The following SORCS2 variants were observed in gnomAD, a reference collection of about 807,000 sequenced individuals.
SORCS2 encodes the protein VPS10 domain-containing receptor SorCS2.
Under a neutral mutation model 141.6 loss-of-function variants are expected in SORCS2, and 100 were observed. That is an observed-to-expected ratio of 0.71 (90% confidence interval 0.60 to 0.83). SORCS2 has a LOEUF of 0.83. Among genes scored for constraint, SORCS2 ranks in the 40% least tolerant of loss-of-function variants. The pLI is 0.00. For synonymous variants in SORCS2, 789 were observed against 676.9 expected, an observed-to-expected ratio of 1.17 and a Z score of -2.57; for missense variants, 1,646 against 1,560.2, an observed-to-expected ratio of 1.05 and a Z score of -0.93.
intron 3 of SORCS2, among the ~76,000 whole-genome samples, chr4:7,628,326 T>G (rs1719649243): frequency 6.6e-6 from 1 of 152,014 alleles, no homozygotes; most frequent in African/African-American, 2.4e-5. Context: ...ATCCAGACCA[T>G]CCTGTGAATG....
At chr4:7,239,742 A>C (rs552523110) in intron 1 of SORCS2, among the ~76,000 whole-genome samples, 1 of 152,352 alleles carries the variant, frequency 6.6e-6, no homozygotes, top group African/African-American at 2.4e-5. Context: ...AAAAGTTCTG[A>C]AAAGACCACT....
chr4:7,405,203 A>G (rs1724892490), intron 2 of SORCS2, among the ~76,000 whole-genome samples: 2 of 151,952 alleles, frequency 1.3e-5, no homozygotes, highest in African/African-American at 4.8e-5. Flanking sequence ...ATTCTGTTCC[A>G]TTGGTTTATG....
chr4:7,217,782 C>T (rs905412494), intron 1 of SORCS2, among the ~76,000 whole-genome samples: 1 of 152,172 alleles, frequency 6.6e-6, no homozygotes, highest in African/African-American at 2.4e-5. Context: ...GATGAAGCCA[C>T]GTGGGAAGCC....
Position 7,233,578 on chromosome 4 carries a change from C to T in SORCS2, c.480+40452C>T, listed in dbSNP as rs990990807. ...TGGGTGGACGGGGTGGGTGCTGGGA[C>T]GAGGACTCAGGAATGAGGCTGGCGG... is the stretch of plus-strand genomic sequence containing the variant. On this transcript the variant is annotated intron_variant, in intron 1 of 26. Coordinates refer to ENST00000507866, the MANE Select transcript of SORCS2 (RefSeq NM_020777.3). This position sits in a 1 kb window ranked among gnomAD's most constrained non-coding sequence, Gnocchi z 4.5. 3.9e-5 allele frequency among the ~76,000 whole-genome samples: 6 copies of T among 152,054 alleles called. No homozygotes were observed. Among genetic ancestry groups the T allele is most frequent in the Non-Finnish European group, 5.9e-5 (4 of 68,000 alleles).
At chr4:7,622,548 T>C (rs893950273) in intron 3 of SORCS2, among the ~76,000 whole-genome samples, 1 of 152,122 alleles carries the variant, frequency 6.6e-6, no homozygotes, top group African/African-American at 2.4e-5. Context: ...GTGTCTGGAG[T>C]CCCAGGCAGG....
chr4:7,710,867 C>T lies in SORCS2; in HGVS notation c.1869-1866C>T, dbSNP rs565909440. Among the ~76,000 whole-genome samples, 3 of 152,364 alleles carry T rather than the reference C, an allele frequency of 2.0e-5. No homozygotes were observed. In the East Asian group the frequency reaches 5.8e-4, roughly 29 times the overall value. ...GCTAGGAGGGCTCCCAGGCCGAGGG[C>T]TCAAGCCCCATTTCCCCACTCCTCT... On this transcript the variant is annotated intron_variant, in intron 14 of 26. Transcript: ENST00000507866.
At position 7,508,065 on chromosome 4, in the gene SORCS2, C is replaced by T. The variant is rs879373021; in HGVS notation, c.549-23465C>T. ...CAGGTGCAGGTGTCTGTCCGTGTCGCGTGTCTGCGAGCCTGGAGGAAGTGG... is the reference window on the plus strand; with the variant it reads ...CAGGTGCAGGTGTCTGTCCGTGTCGTGTGTCTGCGAGCCTGGAGGAAGTGG... On this transcript the variant is annotated intron_variant, in intron 2 of 26. Coordinates refer to ENST00000507866, the MANE Select transcript of SORCS2 (RefSeq NM_020777.3). Among the ~76,000 whole-genome samples the T allele has an allele frequency of 2.6e-5, 4 of 151,940 alleles. No individual in the cohort carries two copies. The South Asian group carries it at 6.2e-4, about 24-fold the overall frequency.
Position 7,531,605 on chromosome 4 carries a change from C to T in SORCS2, c.624C>T (p.Tyr208=). The T allele has an allele frequency of 6.2e-7, 1 of 1,613,864 alleles. No homozygotes were observed. Among genetic ancestry groups the T allele is most frequent in the South Asian group, 1.1e-5 (1 of 91,080 alleles). Residue 208 remains tyrosine (Y), a synonymous_variant, in exon 3 of 27, where the codon TAC becomes TAT. Transcript: ENST00000507866. ...PGVTTVIDNF[Y]ICPTNKRKVI... is the part of the protein sequence containing the mutation. ...TCACCACCGTCATCGACAATTTCTA[C>T]ATCTGCCCGACCAACAAGAGGAAGG... is the stretch of plus-strand genomic sequence containing the variant.
chr4:7,371,409 T>C (rs1243516450), intron 1 of SORCS2, among the ~76,000 whole-genome samples: 1 of 152,180 alleles, frequency 6.6e-6, no homozygotes, highest in Non-Finnish European at 1.5e-5. Flanking sequence ...TTCTGAATGC[T>C]CTTCAGAGGG....
At chr4:7,596,083 G>T (rs1717259971) in intron 3 of SORCS2, among the ~76,000 whole-genome samples, 1 of 152,194 alleles carries the variant, frequency 6.6e-6, no homozygotes, top group Non-Finnish European at 1.5e-5. Context: ...TCACAAATTT[G>T]ACTCAGCATC....
chr4:7,335,411 A>G (rs1281778935), intron 1 of SORCS2, among the ~76,000 whole-genome samples: 1 of 152,212 alleles, frequency 6.6e-6, no homozygotes, highest in Non-Finnish European at 1.5e-5. Flanking sequence ...AGAGAACCCA[A>G]ACATGGGAGA....
intron 1 of SORCS2, among the ~76,000 whole-genome samples, chr4:7,362,711 C>A (rs1284691089): frequency 6.6e-6 from 1 of 151,658 alleles, no homozygotes; most frequent in Non-Finnish European, 1.5e-5. Context: ...TCACTACCAC[C>A]ATCATTACCA....
At chr4:7,705,032 C>CT (rs397768359) in intron 14 of SORCS2, among the ~76,000 whole-genome samples, 13 of 151,878 alleles carry the variant, frequency 8.6e-5, no homozygotes, top group African/African-American at 2.9e-4. Flanking sequence ...TCCTGTTTCC[C>CT]GGAACCATGA....
rs1722355628 is a variant in SORCS2 at position 7,664,212 on chromosome 4, CATCACGGTGGCCTT to C, written c.953-140_953-127del. 7.8e-6 allele frequency: 5 copies of C among 637,198 alleles called. No homozygotes were observed. The South Asian group carries it at 1.0e-4, about 13-fold the overall frequency. 39.5% of individuals were successfully genotyped at this position (637,198 alleles called of 1,614,324 possible). A position where few individuals can be genotyped will look rare whatever the true frequency, so the allele number is the denominator to read the frequency against. On this transcript the variant is annotated intron_variant, in intron 6 of 26. Transcript: ENST00000507866. The surrounding 1 kb of genome is among the most constrained non-coding windows in gnomAD (Gnocchi z 4.7). ...GGATGACACCCTCAGCCGCAGGTGT[CATCACGGTGGCCTT>C]TAGAATTCAAGCCCATGAAGCCACA...
intron 1 of SORCS2, among the ~76,000 whole-genome samples, chr4:7,349,121 T>G (rs1720798844): frequency 6.6e-6 from 1 of 152,188 alleles, no homozygotes. Flanking sequence ...TTGCAGTATG[T>G]TAGCATACTT....
intron 2 of SORCS2, among the ~76,000 whole-genome samples, chr4:7,416,505 C>T (rs768570011): frequency 6.6e-6 from 1 of 151,760 alleles, no homozygotes; most frequent in African/African-American, 2.4e-5. Flanking sequence ...CAGACACGCA[C>T]GCTTCCTCCT....
intron 2 of SORCS2, among the ~76,000 whole-genome samples, chr4:7,499,561 T>TGGCGGGTACC (rs1731834356): frequency 6.6e-6 from 1 of 151,958 alleles, no homozygotes; most frequent in South Asian, 2.1e-4. Flanking sequence ...TACCTGGAAC[T>TGGCGGGTACC]CGACACTGGC....
At chr4:7,699,872 A>T (rs1021921359) in intron 12 of SORCS2, among the ~76,000 whole-genome samples, 6 of 151,788 alleles carry the variant, frequency 4.0e-5, no homozygotes, top group Non-Finnish European at 7.4e-5. Context: ...TTGGGAATTC[A>T]TTTTCCTCCT....
intron 3 of SORCS2, among the ~76,000 whole-genome samples, chr4:7,547,756 C>T (rs754468901): frequency 3.3e-5 from 5 of 152,256 alleles, no homozygotes; most frequent in African/African-American, 9.6e-5. Context: ...ATGTGCCTGT[C>T]TGGGGCTCTG....
Sources: allele counts gnomAD v4.1 joint callset (sites outside exome capture counted in the v4.1 genomes callset), GRCh38; gene constraint gnomAD v4.1.1; non-coding constraint Gnocchi (gnomAD v3.1); transcripts MANE v1.5; gene names NCBI Gene and HGNC (gene_info 2026-07-23, HGNC 2026-07-21).